RALYL: variants seen among roughly 807,000 people sequenced by gnomAD.
The protein encoded by RALYL is RALY RNA binding protein like, also known as RNA-binding Raly-like protein.
In RALYL, 29 loss-of-function variants were observed where a neutral mutation model predicts 35.1. The observed-to-expected ratio is 0.83, with a 90% CI of 0.61 to 1.13. RALYL has a LOEUF of 1.13. Among genes scored for constraint, RALYL ranks in the 50% most tolerant of loss-of-function variants. RALYL has a pLI of 0.00. For synonymous variants in RALYL, 120 were observed against 127.6 expected (o/e 0.94, Z 0.40); for missense variants, 359 against 360.4 (o/e 1.00, Z 0.03).
chr8:84,723,133 T>C (rs1844302660), intron 2 of RALYL, among the ~76,000 whole-genome samples: 1 of 151,986 alleles, frequency 6.6e-6, no homozygotes, highest in Admixed American at 6.6e-5. Flanking sequence ...TCAGAATGGG[T>C]GTAACTAAAT....
At chr8:84,228,745 A>G (rs907978591) in intron 1 of RALYL, among the ~76,000 whole-genome samples, 3 of 152,158 alleles carry the variant, frequency 2.0e-5, no homozygotes, top group African/African-American at 7.2e-5. Context: ...ATGGCTTGGG[A>G]GGCCTCAGGA....
chr8:84,473,607 A>G (rs997842882), intron 1 of RALYL, among the ~76,000 whole-genome samples: 9 of 151,710 alleles, frequency 5.9e-5, no homozygotes, highest in Admixed American at 4.6e-4. Flanking sequence ...TTATGTGGCA[A>G]ATTAGTTTTA....
chr8:84,417,012 C>T (rs1305374543), intron 1 of RALYL, among the ~76,000 whole-genome samples: 1 of 151,122 alleles, frequency 6.6e-6, no homozygotes, highest in Non-Finnish European at 1.5e-5. Flanking sequence ...TTTCTTGTTA[C>T]TTTTCAAAGT....
At chr8:84,243,077 C>A (rs1278369017) in intron 1 of RALYL, among the ~76,000 whole-genome samples, 2 of 152,162 alleles carry the variant, frequency 1.3e-5, no homozygotes, top group African/African-American at 2.4e-5. Flanking sequence ...GTTCTCCCAG[C>A]ACCATATATT....
chr8:84,664,066 A>G (rs1831438805), intron 2 of RALYL, among the ~76,000 whole-genome samples: 1 of 152,118 alleles, frequency 6.6e-6, no homozygotes, highest in Non-Finnish European at 1.5e-5. Context: ...CATTTATTAA[A>G]TAGAGAATCC....
At chr8:84,441,302 G>A (rs192774148) in intron 1 of RALYL, among the ~76,000 whole-genome samples, 66 of 152,050 alleles carry the variant, frequency 4.3e-4, no homozygotes, top group Middle Eastern at 3.4e-3. Context: ...AATAAGAAAC[G>A]GTTTCTGATT....
At chr8:84,193,972 T>A (rs532012455) in intron 1 of RALYL, among the ~76,000 whole-genome samples, 1 of 152,222 alleles carries the variant, frequency 6.6e-6, no homozygotes, top group South Asian at 2.1e-4. Context: ...ACTGGTAAGA[T>A]TTGAAAGCCT....
chr8:84,834,667 A>G (rs1227969622), intron 4 of RALYL, among the ~76,000 whole-genome samples: 1 of 152,208 alleles, frequency 6.6e-6, no homozygotes, highest in African/African-American at 2.4e-5. Context: ...CAAGCTCAAA[A>G]AAAGGGTAGA....
chr8:84,184,877 CA>C, intron 1 of RALYL: 1 of 1,207,860 alleles, frequency 8.3e-7, no homozygotes, highest in Non-Finnish European at 1.2e-6. Context: ...GTAGAAGCGG[CA>C]GAGACCGCAT....
chr8:84,699,719 T>G (rs1839858183), intron 2 of RALYL, among the ~76,000 whole-genome samples: 1 of 152,096 alleles, frequency 6.6e-6, no homozygotes, highest in Non-Finnish European at 1.5e-5. Flanking sequence ...GCAATGCACA[T>G]CTCCAATAAA....
chr8:84,357,574 A>C (rs1011280582), intron 1 of RALYL, among the ~76,000 whole-genome samples: 2 of 151,872 alleles, frequency 1.3e-5, no homozygotes, highest in Admixed American at 6.6e-5. Flanking sequence ...ATTAAGAAAC[A>C]AGTTTTTAAT....
chr8:84,743,276 T>C (rs1589301576), intron 2 of RALYL, among the ~76,000 whole-genome samples: 1 of 151,982 alleles, frequency 6.6e-6, no homozygotes, highest in East Asian at 1.9e-4. Flanking sequence ...TTTTTCGTTC[T>C]GTGTCCTTTC....
At chr8:84,362,848 T>C (rs1349850507) in intron 1 of RALYL, among the ~76,000 whole-genome samples, 1 of 152,258 alleles carries the variant, frequency 6.6e-6, no homozygotes, top group South Asian at 2.1e-4. Flanking sequence ...TTTAAAAAAA[T>C]TATAATTTGA....
intron 1 of RALYL, among the ~76,000 whole-genome samples, chr8:84,503,930 A>G (rs1030678725): frequency 7.2e-5 from 11 of 152,068 alleles, no homozygotes; most frequent in African/African-American, 2.4e-4. Context: ...AGTAAAGACA[A>G]AATAATCAAA....
At chr8:84,604,948 C>A (rs1816782038) in intron 2 of RALYL, among the ~76,000 whole-genome samples, 1 of 150,602 alleles carries the variant, frequency 6.6e-6, no homozygotes, top group Admixed American at 6.6e-5. Flanking sequence ...AGTTTTGAAA[C>A]TATGCTGGGA....
intron 1 of RALYL, among the ~76,000 whole-genome samples, chr8:84,262,997 G>T: frequency 6.6e-6 from 1 of 152,082 alleles, no homozygotes; most frequent in East Asian, 1.9e-4. Flanking sequence ...ATTGAACTAA[G>T]TCTAGTGTTT....
At chr8:84,856,478 TA>T (rs1837006166) in intron 5 of RALYL, among the ~76,000 whole-genome samples, 1 of 152,222 alleles carries the variant, frequency 6.6e-6, no homozygotes, top group Non-Finnish European at 1.5e-5. Flanking sequence ...AACTTGCCTT[TA>T]AAAGCATGTT....
intron 1 of RALYL, among the ~76,000 whole-genome samples, chr8:84,407,891 A>G (rs1364928358): frequency 6.6e-6 from 1 of 152,094 alleles, no homozygotes; most frequent in East Asian, 1.9e-4. Context: ...TTATCATTAT[A>G]TAGATGAAGA....
At chr8:84,214,930 G>A (rs1820415487) in intron 1 of RALYL, among the ~76,000 whole-genome samples, 1 of 150,804 alleles carries the variant, frequency 6.6e-6, no homozygotes, top group African/African-American at 2.4e-5. Context: ...TTTTGAGACG[G>A]AGTCTCACTC....
Sources: gnomAD v4.1 joint callset for allele counts (sites outside exome capture counted in the v4.1 genomes callset) on GRCh38, gnomAD v4.1.1 for gene constraint, MANE v1.5 for transcripts, NCBI Gene and HGNC (gene_info 2026-07-23, HGNC 2026-07-21) for gene names.